LRP1B: variants seen among roughly 807,000 people sequenced by gnomAD.
LRP1B encodes the protein LDL receptor related protein 1B.
Under a neutral mutation model 556.6 loss-of-function variants are expected in LRP1B, and 217 were observed. That is an observed-to-expected ratio of 0.39 (90% confidence interval 0.35 to 0.44). The LOEUF (loss-of-function observed/expected upper bound fraction) is 0.44. LRP1B is among the 20% of genes least tolerant of loss of function. The pLI is 1.00. For synonymous variants in LRP1B, 2,047 were observed against 1,865.8 expected, an observed-to-expected ratio of 1.10 and a Z score of -2.50; for missense variants, 5,053 against 5,620.8, an observed-to-expected ratio of 0.90 and a Z score of 3.23.
chr2:141,758,066 C>T (rs540113943), intron 2 of LRP1B, among the ~76,000 whole-genome samples: 8 of 152,210 alleles, frequency 5.3e-5, no homozygotes, highest in Admixed American at 3.3e-4. Context: ...TATGCAAATT[C>T]GACAGCTGTA....
chr2:140,748,547 T>A (rs1573660236), intron 35 of LRP1B, among the ~76,000 whole-genome samples: 1 of 115,898 alleles, frequency 8.6e-6, no homozygotes, highest in Non-Finnish European at 1.7e-5. Context: ...AAATGACCCA[T>A]GATAATAACT....
chr2:140,694,066 C>A (rs1686339784), intron 41 of LRP1B, among the ~76,000 whole-genome samples: 1 of 152,066 alleles, frequency 6.6e-6, no homozygotes, highest in Non-Finnish European at 1.5e-5. Flanking sequence ...TTATATTAAG[C>A]AATATTTGCT....
intron 66 of LRP1B, among the ~76,000 whole-genome samples, chr2:140,412,292 T>C (rs1256732913): frequency 6.6e-6 from 1 of 152,102 alleles, no homozygotes; most frequent in African/African-American, 2.4e-5. Context: ...ACGTCTGAGA[T>C]AGTTGACAAT....
At chr2:141,102,750 C>T (rs1700498729) in intron 7 of LRP1B, among the ~76,000 whole-genome samples, 1 of 152,030 alleles carries the variant, frequency 6.6e-6, no homozygotes, top group African/African-American at 2.4e-5. Flanking sequence ...GTGAGTTCTA[C>T]CAAGATGATC....
chr2:141,621,603 C>T (rs75494153), intron 2 of LRP1B, among the ~76,000 whole-genome samples: 1,900 of 152,216 alleles, frequency 0.012, 36 homozygotes, highest in African/African-American at 0.044. Context: ...ATAATTGATA[C>T]ATCTCAGTAT....
chr2:141,708,030 C>T (rs1692209867), intron 2 of LRP1B, among the ~76,000 whole-genome samples: 1 of 152,040 alleles, frequency 6.6e-6, no homozygotes, highest in Non-Finnish European at 1.5e-5. Context: ...CTAAGTGGCA[C>T]ATTAGTTTAG....
At chr2:141,538,288 A>T (rs748597208) in intron 2 of LRP1B, among the ~76,000 whole-genome samples, 1 of 152,074 alleles carries the variant, frequency 6.6e-6, no homozygotes, top group Non-Finnish European at 1.5e-5. Context: ...TAATAATTTG[A>T]TATGTCAATC....
At chr2:140,669,560 G>A (rs1685407099) in intron 41 of LRP1B, among the ~76,000 whole-genome samples, 2 of 152,184 alleles carry the variant, frequency 1.3e-5, no homozygotes, top group East Asian at 1.9e-4. Flanking sequence ...ATCATTTTTC[G>A]ATTAACATTC....
intron 7 of LRP1B, among the ~76,000 whole-genome samples, chr2:141,092,332 G>A (rs1307557647): frequency 6.6e-6 from 1 of 152,174 alleles, no homozygotes; most frequent in African/African-American, 2.4e-5. Flanking sequence ...AGAAAGAGAG[G>A]AATCAAGGGT....
At chr2:140,977,611 G>A (rs1414030443) in intron 18 of LRP1B, among the ~76,000 whole-genome samples, 1 of 151,308 alleles carries the variant, frequency 6.6e-6, no homozygotes, top group Middle Eastern at 3.2e-3. Flanking sequence ...TTTTTTTGTT[G>A]TTGTTCTCCA....
At chr2:141,730,556 G>A (rs1391976334) in intron 2 of LRP1B, among the ~76,000 whole-genome samples, 1 of 152,042 alleles carries the variant, frequency 6.6e-6, no homozygotes, top group East Asian at 1.9e-4. Context: ...GATGTTTCTG[G>A]CATTCTTGTT....
Position 140,755,869 on chromosome 2 carries a change from A to G in LRP1B, c.5758+13344T>C, listed in dbSNP as rs558838908. ...GGCAAAAAAGAAGTAGAAGGAGAAGAAGGAGGAGGAGGAGTAAAAGGCACC... is the reference window on the plus strand; with the variant it reads ...GGCAAAAAAGAAGTAGAAGGAGAAGGAGGAGGAGGAGGAGTAAAAGGCACC... On this transcript the variant is annotated intron_variant, in intron 35 of 90. Coordinates refer to ENST00000389484, the MANE Select transcript of LRP1B (RefSeq NM_018557.3). Among the ~76,000 whole-genome samples the G allele has an allele frequency of 5.3e-5, 8 of 152,080 alleles. No individual in the cohort carries two copies. In the South Asian group the frequency reaches 1.0e-3, roughly 20 times the overall value.
At position 140,515,613 on chromosome 2, in the gene LRP1B, A is replaced by G. The variant is rs141173933; in HGVS notation, c.8150-841T>C. ...ATTGCAAAACTTTGCATTTTCATTT[A>G]AAATGCTTAATTAGATGACCTGTGA... On this transcript the variant is annotated intron_variant, in intron 50 of 90. Transcript: ENST00000389484. Among the ~76,000 whole-genome samples, 10 of 152,156 alleles carry G rather than the reference A, an allele frequency of 6.6e-5. No individual in the cohort carries two copies. The East Asian group carries it at 1.7e-3, about 26-fold the overall frequency.
chr2:140,628,039 T>G (rs1683731075), intron 41 of LRP1B, among the ~76,000 whole-genome samples: 1 of 152,172 alleles, frequency 6.6e-6, no homozygotes, highest in Non-Finnish European at 1.5e-5. Flanking sequence ...TAGCAGAGTA[T>G]AAGACAGAGG....
rs900350944 is a variant in LRP1B, at chr2:140,487,679, C to T, written c.9181G>A (p.Asp3061Asn). The stretch of plus-strand genomic sequence containing the variant: ...CGACTGCCATTGGGTCGGCTAGAAT[C>T]GATCCAATAGATGAATTCTTCTCTG... ...DYREEFIYWIDSSRPNGSRIN... is the reference protein window; with the variant it reads ...DYREEFIYWINSSRPNGSRIN... Residue 3061 changes from aspartate to asparagine, a missense_variant, in exon 58 of 91, where the codon GAT becomes AAT. Transcript: ENST00000389484. 3 of 1,600,334 alleles carry T rather than the reference C, an allele frequency of 1.9e-6. No homozygotes were observed. The highest frequency in any genetic ancestry group is 1.3e-5 in the African/African-American group (1 of 74,366).
chr2:141,909,206 A>G lies in LRP1B; in HGVS notation c.83-98805T>C, dbSNP rs185111560. Among the ~76,000 whole-genome samples the G allele has an allele frequency of 1.9e-3, 283 of 152,242 alleles. 1 individual carries two copies. The highest frequency in any genetic ancestry group is 2.7e-3 in the Non-Finnish European group (184 of 67,988). ...GTAGATGTGCTAAAAGCCAGCAGTAAATGAATGTTCTGTTTCTATATTGCT... is the reference window on the plus strand; with the variant it reads ...GTAGATGTGCTAAAAGCCAGCAGTAGATGAATGTTCTGTTTCTATATTGCT... On this transcript the variant is annotated intron_variant, in intron 1 of 90. Transcript: ENST00000389484.
intron 7 of LRP1B, among the ~76,000 whole-genome samples, chr2:141,084,652 C>CTT (rs11311266): frequency 0.038 from 5,194 of 136,942 alleles, 158 homozygotes; most frequent in Middle Eastern, 0.12. Flanking sequence ...ACTTCTGTTT[C>CTT]TTTTTTTTTT....
intron 2 of LRP1B, among the ~76,000 whole-genome samples, chr2:141,715,814 T>C (rs1417546810): frequency 6.6e-6 from 1 of 152,124 alleles, no homozygotes; most frequent in African/African-American, 2.4e-5. Context: ...AAACTCCGTC[T>C]CAGAAACTAA....
intron 48 of LRP1B, 55 bp downstream of exon 48, chr2:140,526,182 T>C: frequency 1.3e-6 from 2 of 1,530,182 alleles, no homozygotes; most frequent in Non-Finnish European, 1.8e-6. Flanking sequence ...CAGTGTTCAA[T>C]GCAATGCCAA....
Sources: gnomAD v4.1 joint callset for allele counts (sites outside exome capture counted in the v4.1 genomes callset) on GRCh38, gnomAD v4.1.1 for gene constraint, MANE v1.5 for transcripts, NCBI Gene and HGNC (gene_info 2026-07-23, HGNC 2026-07-21) for gene names.